Variants in NELL1 observed in about 807,000 individuals in gnomAD.
The protein encoded by NELL1 is protein kinase C-binding protein NELL1.
In NELL1, 76 loss-of-function variants were observed where a neutral mutation model predicts 107.4. The observed-to-expected ratio is 0.71, with a 90% confidence interval of 0.59 to 0.86. NELL1 has a LOEUF of 0.86. NELL1 is among the 40% of genes least tolerant of loss of function. NELL1 has a pLI of 0.00. For missense variants in NELL1, 1,024 were observed against 1,005.5 expected (o/e 1.02, Z -0.25); for synonymous variants, 353 against 341.2 (o/e 1.03, Z -0.38).
At chr11:20,829,531 C>A (rs552846217) in intron 3 of NELL1, among the ~76,000 whole-genome samples, 65 of 152,160 alleles carry the variant, frequency 4.3e-4, no homozygotes, top group Non-Finnish European at 7.4e-4. Flanking sequence ...TGGCCTGCTG[C>A]AGGACTATTA....
In NELL1 at chr11:21,327,166, T is replaced by G. The variant is rs1171544431; in HGVS notation, c.1550-43687T>G. On this transcript the variant is annotated intron_variant, in intron 14 of 19. Coordinates refer to ENST00000357134, the MANE Select transcript of NELL1 (RefSeq NM_006157.5). The stretch of plus-strand genomic sequence containing the variant: ...TGAGTTCTCATGAGATCTGATGTTT[T>G]TTTTTTTTTTTTGTGGGGGGGACTG... 2.1e-3 allele frequency among the ~76,000 whole-genome samples: 277 copies of G among 133,670 alleles called. 15 individuals are homozygous for G. Among genetic ancestry groups the G allele is most frequent in the African/African-American group, 6.7e-3 (240 of 35,810 alleles). The allele number at this position is 133,670 out of a possible 152,430, so 87.7% of individuals were successfully genotyped here. A position where few individuals can be genotyped will look rare whatever the true frequency, so the allele number is the denominator to read the frequency against.
intron 12 of NELL1, among the ~76,000 whole-genome samples, chr11:21,082,950 A>G (rs1374791637): frequency 1.3e-5 from 2 of 152,282 alleles, no homozygotes; most frequent in African/African-American, 2.4e-5. Context: ...TTTAGTAGAG[A>G]AGTGGCTCAG....
At chr11:20,902,009 C>T (rs916560462) in intron 5 of NELL1, among the ~76,000 whole-genome samples, 2 of 152,044 alleles carry the variant, frequency 1.3e-5, no homozygotes, top group African/African-American at 4.8e-5. Flanking sequence ...ATAAAAATCA[C>T]TTACAAGTAC....
intron 13 of NELL1, among the ~76,000 whole-genome samples, chr11:21,118,740 C>A (rs1425948652): frequency 6.6e-6 from 1 of 152,014 alleles, no homozygotes; most frequent in African/African-American, 2.4e-5. Flanking sequence ...TCAATCAGTA[C>A]CTGCTGACGC....
In NELL1 at chr11:20,989,317, T is replaced by TATTA. The variant is rs561154696; in HGVS notation, c.1300+28758_1300+28761dup. On this transcript the variant is annotated intron_variant, in intron 12 of 19. Coordinates refer to ENST00000357134, the MANE Select transcript of NELL1 (RefSeq NM_006157.5). ...AAGGCAGATGGGCTCCATTCTTGGG[T>TATTA]ATTAGCATGTTCCCAATTCTGGGCT... 1.7e-3 allele frequency among the ~76,000 whole-genome samples: 264 copies of TATTA among 152,248 alleles called. 3 individuals are homozygous for TATTA. Among genetic ancestry groups the TATTA allele is most frequent in the African/African-American group, 5.8e-3 (242 of 41,552 alleles).
rs185199517 is a variant in NELL1, at chr11:21,438,318, C to T, written c.1645+67370C>T. On this transcript the variant is annotated intron_variant, in intron 15 of 19. Transcript: ENST00000357134. ...TTTGAATATATTATACCATCCTCTCCTGGTTTCTGCTGAAAAATACATTGT... is the reference window on the plus strand; with the variant it reads ...TTTGAATATATTATACCATCCTCTCTTGGTTTCTGCTGAAAAATACATTGT... Among the ~76,000 whole-genome samples, 127 of 151,974 alleles carry T rather than the reference C, an allele frequency of 8.4e-4. 1 individual carries two copies. Among genetic ancestry groups the T allele is most frequent in the Middle Eastern group, 6.8e-3 (2 of 294 alleles).
intron 14 of NELL1, among the ~76,000 whole-genome samples, chr11:21,365,292 A>G (rs972298274): frequency 2.0e-5 from 3 of 152,230 alleles, no homozygotes; most frequent in African/African-American, 7.2e-5. Context: ...AGTAGGTGGT[A>G]GAGCCCTAAA....
chr11:21,180,136 ACAACCTAGTATAAATATACATTAGG>A (rs1432730384), intron 13 of NELL1, among the ~76,000 whole-genome samples: 1 of 151,634 alleles, frequency 6.6e-6, no homozygotes, highest in African/African-American at 2.4e-5. Flanking sequence ...TATTTAGGAG[ACAACCTAGTATAAATATACATTAGG>A]CAATGTCATT....
intron 7 of NELL1, among the ~76,000 whole-genome samples, chr11:20,926,130 T>A (rs772411050): frequency 1.3e-5 from 2 of 152,196 alleles, no homozygotes; most frequent in Non-Finnish European, 2.9e-5. Context: ...TGTTTTTCAA[T>A]CATGGTGGTC....
At chr11:21,284,944 A>G (rs187123403) in intron 14 of NELL1, 192 of 210,086 alleles carry the variant, frequency 9.1e-4, no homozygotes, top group African/African-American at 4.0e-3. Context: ...TGAAATGTCA[A>G]TTAATTGTTC....
intron 13 of NELL1, among the ~76,000 whole-genome samples, chr11:21,174,042 C>T (rs1046091664): frequency 6.6e-6 from 1 of 151,684 alleles, no homozygotes; most frequent in Non-Finnish European, 1.5e-5. Context: ...GCTTTGCAGA[C>T]AAGGAAACTG....
Position 21,560,401 on chromosome 11 carries a change from A to G in NELL1, c.1980+19A>G, listed in dbSNP as rs377288735. Reference sequence around the variant, plus strand: ...CTGCAAGGTGAGGCTGATGTGGTGCAGCAGAAATTGAAACTGTTCTTTCTC... The same window carrying G: ...CTGCAAGGTGAGGCTGATGTGGTGCGGCAGAAATTGAAACTGTTCTTTCTC... On this transcript the variant is annotated intron_variant, in intron 17 of 19. Coordinates refer to ENST00000357134, the MANE Select transcript of NELL1 (RefSeq NM_006157.5). 110 of 1,538,936 alleles carry G rather than the reference A, an allele frequency of 7.1e-5. No individual in the cohort carries two copies. The highest frequency in any genetic ancestry group is 8.9e-5 in the Non-Finnish European group (102 of 1,146,040).
chr11:21,026,069 T>C (rs1293452844), intron 12 of NELL1, among the ~76,000 whole-genome samples: 2 of 152,212 alleles, frequency 1.3e-5, no homozygotes, highest in Non-Finnish European at 2.9e-5. Context: ...CCATAAACTT[T>C]CACCTCTGTT....
chr11:20,997,703 T>C (rs918942689), intron 12 of NELL1, among the ~76,000 whole-genome samples: 1 of 152,216 alleles, frequency 6.6e-6, no homozygotes, highest in Non-Finnish European at 1.5e-5. Flanking sequence ...AATAAATTAT[T>C]TGGGATCAGG....
chr11:21,034,827 C>A, intron 12 of NELL1, among the ~76,000 whole-genome samples: 1 of 151,916 alleles, frequency 6.6e-6, no homozygotes, highest in East Asian at 1.9e-4. Context: ...TCACAACAAA[C>A]AGAACCAGAG....
intron 15 of NELL1, among the ~76,000 whole-genome samples, chr11:21,480,620 A>G (rs892032209): frequency 1.3e-5 from 2 of 152,182 alleles, no homozygotes; most frequent in Admixed American, 1.3e-4. Flanking sequence ...GTGAAAACTA[A>G]CTGGATTTTT....
chr11:21,189,861 G>A (rs182370216), intron 13 of NELL1, among the ~76,000 whole-genome samples: 6 of 151,834 alleles, frequency 4.0e-5, no homozygotes, highest in Non-Finnish European at 4.4e-5. Flanking sequence ...ATATTTTGTT[G>A]CTGAGTTTAA....
chr11:20,768,111 C>T (rs327025), intron 2 of NELL1, among the ~76,000 whole-genome samples: 130,300 of 152,174 alleles, frequency 0.86, 55,840 homozygotes, highest in East Asian at 0.94. Flanking sequence ...TTATTAATGA[C>T]GAACACTTCA....
chr11:21,449,217 G>T (rs527935261), intron 15 of NELL1, among the ~76,000 whole-genome samples: 5 of 152,198 alleles, frequency 3.3e-5, no homozygotes, highest in Admixed American at 1.3e-4. Context: ...TGTCAACCTG[G>T]GGTACAGTCA....
Sources: allele counts gnomAD v4.1 joint callset (sites outside exome capture counted in the v4.1 genomes callset), GRCh38; gene constraint gnomAD v4.1.1; transcripts MANE v1.5; gene names NCBI Gene and HGNC (gene_info 2026-07-23, HGNC 2026-07-21).